Variants in DCUN1D4 observed in about 807,000 individuals in gnomAD.
The protein encoded by DCUN1D4 is DCN1-like protein 4.
DCUN1D4 carries 22 observed loss-of-function variants against 47.9 expected under a neutral mutation model. The ratio of observed to expected loss-of-function variants is 0.46; its 90% CI spans 0.33 to 0.66. DCUN1D4 has a LOEUF of 0.66. DCUN1D4 is among the 30% of genes least tolerant of loss of function. DCUN1D4 has a pLI of 0.02. For synonymous variants in DCUN1D4, 121 were observed against 112.2 expected (o/e 1.08, Z -0.50); for missense variants, 301 against 340.8 (o/e 0.88, Z 0.92).
At chr4:51,896,126 C>A (rs758571916) in intron 7 of DCUN1D4, among the ~76,000 whole-genome samples, 13 of 152,294 alleles carry the variant, frequency 8.5e-5, no homozygotes, top group South Asian at 2.1e-4. Context: ...TAGCTCCCAA[C>A]CCCAGGTTTT....
At chr4:51,899,401 A>G (rs1231930049) in intron 8 of DCUN1D4, 23 bp downstream of exon 8, 1 of 1,586,252 alleles carries the variant, frequency 6.3e-7, no homozygotes, top group African/African-American at 1.4e-5. Context: ...GAGCCTATCC[A>G]GATGTTTCCC....
chr4:51,863,647 A>G (rs765517082), intron 2 of DCUN1D4, 23 bp from the exon 3 acceptor site: 1 of 1,611,360 alleles, frequency 6.2e-7, no homozygotes, highest in Non-Finnish European at 8.5e-7. Flanking sequence ...ATTTCTTCGT[A>G]ATAACGAACA....
chr4:51,882,964 C>G (rs1728909862), intron 5 of DCUN1D4, among the ~76,000 whole-genome samples: 2 of 151,948 alleles, frequency 1.3e-5, no homozygotes, highest in African/African-American at 4.8e-5. Flanking sequence ...ACACCCTTAA[C>G]AAAATAGGAA....
chr4:51,903,588 G>T (rs1244334776), intron 8 of DCUN1D4, among the ~76,000 whole-genome samples: 1 of 152,002 alleles, frequency 6.6e-6, no homozygotes, highest in African/African-American at 2.4e-5. Flanking sequence ...TATTTTTTCT[G>T]TTCTGTCTCT....
upstream of DCUN1D4, among the ~76,000 whole-genome samples, chr4:51,841,363 G>C (rs958956334): frequency 6.6e-6 from 1 of 152,132 alleles, no homozygotes; most frequent in African/African-American, 2.4e-5. Context: ...GAATGCAGGA[G>C]CAGCTTCCCT....
At chr4:51,844,408 T>G in intron 1 of DCUN1D4, 1 of 980,680 alleles carries the variant, frequency 1.0e-6, no homozygotes, top group Non-Finnish European at 1.2e-6. Flanking sequence ...AGGTCAGCGC[T>G]GGCGCGGGCT....
At chr4:51,877,973 C>G in intron 5 of DCUN1D4, 119 bp downstream of exon 5, 1 of 539,920 alleles carries the variant, frequency 1.9e-6, no homozygotes, top group South Asian at 3.1e-5. Context: ...GTGTGTGTGT[C>G]CCTGTTAGAG....
rs2271046 is a variant in DCUN1D4 at position 51,886,646 on chromosome 4, A to T, written c.414+8A>T. On this transcript the variant is annotated splice_region_variant and intron_variant, in intron 6 of 10. Coordinates refer to ENST00000334635, the MANE Select transcript of DCUN1D4 (RefSeq NM_001040402.3). ...GGTGTTGAACCAGAAAACGTGAGTCAAACTTACTGAGTTGGGTGAATCAGT... is the reference window on the plus strand; with the variant it reads ...GGTGTTGAACCAGAAAACGTGAGTCTAACTTACTGAGTTGGGTGAATCAGT... The T allele has an allele frequency of 0.33, 529,912 of 1,609,782 alleles. 99,629 individuals carry two copies. The highest frequency in any genetic ancestry group is 0.78 in the African/African-American group (58,145 of 74,880).
At chr4:51,848,781 T>C (rs1185508799) in intron 1 of DCUN1D4, among the ~76,000 whole-genome samples, 1 of 152,220 alleles carries the variant, frequency 6.6e-6, no homozygotes, top group East Asian at 1.9e-4. Context: ...CAGGTTTGAA[T>C]TGCTTTTAAT....
At position 51,874,341 on chromosome 4, in the gene DCUN1D4, T is replaced by A. The variant is rs1727355692; in HGVS notation, c.207T>A (p.Pro69=). The change falls in exon 4 of 11, where the codon CCT becomes CCA. Residue 69 remains proline, a synonymous_variant. Coordinates refer to ENST00000334635, the MANE Select transcript of DCUN1D4 (RefSeq NM_001040402.3). ...TGCCACCAAGGAAAAAGAGAAGACC[T>A]GCCTCTGGAGATGATTTATCTGCCA... ...KVMPPRKKRR[P]ASGDDLSAKK... is the part of the protein sequence containing the mutation. 1 of 1,613,710 alleles carries A rather than the reference T, an allele frequency of 6.2e-7. No individual in the cohort carries two copies. The highest frequency in any genetic ancestry group is 8.5e-7 in the Non-Finnish European group (1 of 1,179,894).
chr4:51,870,237 A>G (rs573966053), intron 3 of DCUN1D4, among the ~76,000 whole-genome samples: 16 of 152,316 alleles, frequency 1.1e-4, no homozygotes, highest in African/African-American at 3.6e-4. Context: ...CAAGTAATAC[A>G]ACTCATACAA....
intron 1 of DCUN1D4, 157 bp downstream of exon 1, chr4:51,843,424 G>C: frequency 1.6e-6 from 2 of 1,268,966 alleles, no homozygotes; most frequent in East Asian, 3.2e-5. Flanking sequence ...GGGGCGGGCG[G>C]TGACGCTGCG....
the DCUN1D4 span, among the ~76,000 whole-genome samples, chr4:51,834,106 T>TTTTTTTC: frequency 2.2e-3 from 273 of 123,314 alleles, 18 homozygotes; most frequent in African/African-American, 9.3e-3. Context: ...CTTCTTTCTT[T>TTTTTTTC]TTTTTTTCTT....
At chr4:51,883,368 GT>G (rs1728987382) in intron 5 of DCUN1D4, among the ~76,000 whole-genome samples, 1 of 152,110 alleles carries the variant, frequency 6.6e-6, no homozygotes, top group Non-Finnish European at 1.5e-5. Flanking sequence ...TATTCTGTAT[GT>G]TCTCTATTTA....
At chr4:51,908,500 G>A (rs748007895) in intron 8 of DCUN1D4, among the ~76,000 whole-genome samples, 23 of 152,064 alleles carry the variant, frequency 1.5e-4, no homozygotes, top group Non-Finnish European at 2.8e-4. Flanking sequence ...TGCTCCATGA[G>A]CAGAGAGTCA....
At chr4:51,852,175 T>C (rs1442028587) in intron 1 of DCUN1D4, among the ~76,000 whole-genome samples, 1 of 152,196 alleles carries the variant, frequency 6.6e-6, no homozygotes, top group East Asian at 1.9e-4. Context: ...CCCTCTCATT[T>C]TTGCTGGTTT....
intron 3 of DCUN1D4, among the ~76,000 whole-genome samples, chr4:51,868,374 C>T (rs1281145891): frequency 6.6e-6 from 1 of 152,186 alleles, no homozygotes; most frequent in African/African-American, 2.4e-5. Flanking sequence ...AGTGATTGCT[C>T]CAGACGGGCT....
intron 5 of DCUN1D4, among the ~76,000 whole-genome samples, chr4:51,878,786 T>C (rs1455471762): frequency 2.0e-5 from 3 of 152,272 alleles, no homozygotes; most frequent in Admixed American, 6.5e-5. Flanking sequence ...TAGCCTTTTC[T>C]GTACTTCCAC....
intron 1 of DCUN1D4, among the ~76,000 whole-genome samples, chr4:51,851,072 G>A (rs770752155): frequency 2.6e-5 from 4 of 152,194 alleles, no homozygotes; most frequent in South Asian, 2.1e-4. Flanking sequence ...AGTCTCCTAG[G>A]TAGCCTTTAA....
Sources: allele counts gnomAD v4.1 joint callset (sites outside exome capture counted in the v4.1 genomes callset), GRCh38; gene constraint gnomAD v4.1.1; transcripts MANE v1.5; gene names NCBI Gene and HGNC (gene_info 2026-07-23, HGNC 2026-07-21).